The following BCR variants were observed in gnomAD, a reference collection of about 807,000 sequenced individuals.
The protein encoded by BCR is BCR activator of RhoGEF and GTPase, also known as breakpoint cluster region protein.
In BCR, 58 loss-of-function variants were observed where a neutral mutation model predicts 138.6. The observed-to-expected ratio is 0.42, with a 90% confidence interval of 0.34 to 0.52. The LOEUF is 0.52. Among genes scored for constraint, BCR ranks in the 20% least tolerant of loss-of-function variants. The pLI is 0.06. For missense variants in BCR, 1,599 were observed against 1,727.2 expected, an observed-to-expected ratio of 0.93 and a Z score of 1.32; for synonymous variants, 786 against 730.1, an observed-to-expected ratio of 1.08 and a Z score of -1.23.
chr22:23,243,261 A>G (rs1035401063), intron 1 of BCR, among the ~76,000 whole-genome samples: 2 of 152,096 alleles, frequency 1.3e-5, no homozygotes, highest in African/African-American at 4.8e-5. Flanking sequence ...CAGAGGAACC[A>G]GCCACGTGAT....
At chr22:23,185,349 G>A (rs1200132526) in intron 1 of BCR, among the ~76,000 whole-genome samples, 2 of 152,128 alleles carry the variant, frequency 1.3e-5, no homozygotes, top group African/African-American at 2.4e-5. Context: ...AATGATAGAC[G>A]GCTGTGAGCC....
chr22:23,244,821 C>G (rs2073137590), intron 1 of BCR, among the ~76,000 whole-genome samples: 2 of 152,216 alleles, frequency 1.3e-5, no homozygotes, highest in Admixed American at 1.3e-4. Flanking sequence ...GGGCTGCTGC[C>G]TCTTCCCAGC....
Position 23,181,822 on chromosome 22 carries a change from A to G in BCR, c.862A>G (p.Met288Val), listed in dbSNP as rs768288452. 2.5e-6 allele frequency: 4 copies of G among 1,611,250 alleles called. No homozygotes were observed. In the South Asian group the frequency reaches 4.4e-5, roughly 18 times the overall value. ...CCAGAGCATCTACGTCGGGGGCATG[A>G]TGGAAGGGGAGGGCAAGGGCCCGCT... ...PYQSIYVGGM[M>V]EGEGKGPLLR... is the part of the protein sequence containing the mutation. Residue 288 changes from methionine to valine, a missense_variant, in exon 1 of 23, where the codon ATG becomes GTG. Coordinates refer to ENST00000305877, the MANE Select transcript of BCR (RefSeq NM_004327.4).
At chr22:23,262,982 G>T in intron 4 of BCR, 1 of 875,704 alleles carries the variant, frequency 1.1e-6, no homozygotes, top group Non-Finnish European at 1.6e-6. Context: ...AAGGAGATGA[G>T]GGGAGCGTAG....
At position 23,258,785 on chromosome 22, in the gene BCR, C is replaced by T. The variant is rs560479627; in HGVS notation, c.1462-2165C>T. ...AGACTCCTCCGGGCCTAGATGTCAGCGGGGCCAACGAGAAGCCTGCCCGCA... is the reference window on the plus strand; with the variant it reads ...AGACTCCTCCGGGCCTAGATGTCAGTGGGGCCAACGAGAAGCCTGCCCGCA... On this transcript the variant is annotated intron_variant, in intron 2 of 22. Transcript: ENST00000305877. Among the ~76,000 whole-genome samples the T allele has an allele frequency of 1.4e-4, 21 of 152,338 alleles. No individual in the cohort carries two copies. In the South Asian group the frequency reaches 3.7e-3, roughly 27 times the overall value.
intron 16 of BCR, chr22:23,306,337 G>T (rs12628689): frequency 6.6e-6 from 1 of 152,362 alleles, no homozygotes; most frequent in Non-Finnish European, 1.5e-5. Flanking sequence ...CAGCCAGCTA[G>T]CTCTGGGGGA....
intron 1 of BCR, among the ~76,000 whole-genome samples, chr22:23,197,876 G>T (rs1253287592): frequency 6.6e-6 from 1 of 152,074 alleles, no homozygotes; most frequent in Non-Finnish European, 1.5e-5. Flanking sequence ...TTCTGGGGAG[G>T]GGGTGACAGA....
chr22:23,262,717 G>C (rs1289832969), intron 4 of BCR: 5 of 802,790 alleles, frequency 6.2e-6, no homozygotes, highest in Non-Finnish European at 7.5e-6. Context: ...GGGCGGGCCC[G>C]GGTGAGGGCG....
intron 1 of BCR, among the ~76,000 whole-genome samples, chr22:23,211,360 G>A (rs964409303): frequency 6.6e-6 from 1 of 151,952 alleles, no homozygotes; most frequent in African/African-American, 2.4e-5. Flanking sequence ...ACTACACCCA[G>A]CTAATTTTTT....
intron 1 of BCR, among the ~76,000 whole-genome samples, chr22:23,191,923 C>T (rs2072420294): frequency 6.6e-6 from 1 of 152,176 alleles, no homozygotes; most frequent in Admixed American, 6.5e-5. Context: ...TTGGTACTCC[C>T]TGGCTCACCC....
intron 8 of BCR, among the ~76,000 whole-genome samples, chr22:23,282,570 T>C (rs895512722): frequency 4.6e-5 from 7 of 152,202 alleles, no homozygotes; most frequent in Non-Finnish European, 8.8e-5. Flanking sequence ...GGCCCCAGAA[T>C]GGGGGAAAAG....
chr22:23,274,469 C>T (rs567061041), intron 8 of BCR, among the ~76,000 whole-genome samples: 62 of 152,292 alleles, frequency 4.1e-4, no homozygotes, highest in African/African-American at 1.3e-3. Flanking sequence ...AGCTGGGGAG[C>T]CAGTGTCCAG....
chr22:23,199,359 C>T (rs1299705681), intron 1 of BCR: 1 of 513,700 alleles, frequency 1.9e-6, no homozygotes, highest in Admixed American at 2.0e-5. Context: ...CCTTGTGAGC[C>T]CCGCGGTTGC....
At chr22:23,242,149 G>T (rs1410863767) in intron 1 of BCR, among the ~76,000 whole-genome samples, 3 of 152,190 alleles carry the variant, frequency 2.0e-5, no homozygotes, top group Non-Finnish European at 2.9e-5. Context: ...ACAAGTGGCC[G>T]AAGCAAGATG....
At chr22:23,236,774 T>C (rs946084190) in intron 1 of BCR, among the ~76,000 whole-genome samples, 7 of 152,222 alleles carry the variant, frequency 4.6e-5, no homozygotes, top group Admixed American at 1.3e-4. Flanking sequence ...ACAGTAACTT[T>C]AGGCAGTCAG....
intron 1 of BCR, among the ~76,000 whole-genome samples, chr22:23,224,167 C>T (rs1438120705): frequency 1.3e-5 from 2 of 152,218 alleles, no homozygotes; most frequent in Non-Finnish European, 1.5e-5. Context: ...TGCTGTTGTC[C>T]TGGGCCACCT....
At chr22:23,297,241 G>A (rs1165064124) in intron 16 of BCR, among the ~76,000 whole-genome samples, 3 of 117,830 alleles carry the variant, frequency 2.5e-5, no homozygotes, top group Non-Finnish European at 5.0e-5. Context: ...TTTTTTTCGA[G>A]ACAGAGTTTT....
At chr22:23,183,352 C>G (rs1048126661) in intron 1 of BCR, among the ~76,000 whole-genome samples, 56 of 151,708 alleles carry the variant, frequency 3.7e-4, no homozygotes, top group African/African-American at 1.3e-3. Flanking sequence ...GTTGAATGTG[C>G]TTGGTTTGTC....
intron 1 of BCR, among the ~76,000 whole-genome samples, chr22:23,247,263 C>T (rs1405247709): frequency 6.6e-6 from 1 of 152,138 alleles, no homozygotes; most frequent in Non-Finnish European, 1.5e-5. Flanking sequence ...AAAACCTCCA[C>T]CACAGCTGGC....
Sources: allele counts gnomAD v4.1 joint callset (sites outside exome capture counted in the v4.1 genomes callset), GRCh38; gene constraint gnomAD v4.1.1; transcripts MANE v1.5; gene names NCBI Gene and HGNC (gene_info 2026-07-23, HGNC 2026-07-21).